The following MBD5 variants were observed in gnomAD, a reference collection of about 807,000 sequenced individuals.
MBD5 encodes methyl-CpG binding domain protein 5.
MBD5 carries 13 observed loss-of-function variants against 117.3 expected under a neutral mutation model. That is an observed-to-expected ratio of 0.11 (90% CI 0.07 to 0.18). The LOEUF (loss-of-function observed/expected upper bound fraction) is 0.18. Among genes scored for constraint, MBD5 ranks in the 10% least tolerant of loss-of-function variants. The pLI is 1.00. For synonymous variants in MBD5, 727 were observed against 766.4 expected (o/e 0.95, Z 0.85); for missense variants, 1,879 against 2,093.8 (o/e 0.90, Z 2.00).
At chr2:148,291,903 A>T (rs145700594) in intron 3 of MBD5, among the ~76,000 whole-genome samples, 77 of 152,338 alleles carry the variant, frequency 5.1e-4, no homozygotes, top group African/African-American at 1.7e-3. Flanking sequence ...GAACCTAGAA[A>T]CAAATCCATA....
chr2:148,328,307 G>T (rs2938706), intron 3 of MBD5, among the ~76,000 whole-genome samples: 1 of 152,008 alleles, frequency 6.6e-6, no homozygotes, highest in East Asian at 1.9e-4. Flanking sequence ...TGTCTGTGCC[G>T]TGCCCCCAGA....
At chr2:148,151,595 A>T (rs1697669949) in intron 1 of MBD5, among the ~76,000 whole-genome samples, 1 of 152,126 alleles carries the variant, frequency 6.6e-6, no homozygotes, top group Non-Finnish European at 1.5e-5. Context: ...TTGGTAAACT[A>T]TTGATTATTG....
In MBD5 at chr2:148,286,072, T is replaced by C. The variant is rs1030459099; in HGVS notation, c.-680+52677T>C. Among the ~76,000 whole-genome samples, 6 of 152,182 alleles carry C rather than the reference T, an allele frequency of 3.9e-5. 1 individual carries two copies. The highest frequency in any genetic ancestry group is 7.2e-5 in the African/African-American group (3 of 41,452). ...ATAGTATTTAGCAATAATATTTCAA[T>C]TGAAAGAATTTACAGTTATTGTGAC... On this transcript the variant is annotated intron_variant, in intron 3 of 13. Coordinates refer to ENST00000642680, the MANE Select transcript of MBD5 (RefSeq NM_001378120.1).
intron 1 of MBD5, among the ~76,000 whole-genome samples, chr2:148,110,633 G>T (rs1021428762): frequency 2.6e-5 from 4 of 151,324 alleles, no homozygotes; most frequent in African/African-American, 9.7e-5. Context: ...TTTGGGAATT[G>T]TTCCTGTTTG....
chr2:148,144,830 A>G (rs1485900841), intron 1 of MBD5, among the ~76,000 whole-genome samples: 1 of 152,148 alleles, frequency 6.6e-6, no homozygotes, highest in Non-Finnish European at 1.5e-5. Flanking sequence ...TACCAGTACC[A>G]TGCTGTTTTG....
intron 4 of MBD5, among the ~76,000 whole-genome samples, chr2:148,411,074 A>G (rs1013227692): frequency 6.6e-6 from 1 of 152,084 alleles, no homozygotes; most frequent in Non-Finnish European, 1.5e-5. Context: ...TGTGTACTCA[A>G]TGGTTAGCTC....
intron 4 of MBD5, among the ~76,000 whole-genome samples, chr2:148,406,885 T>C (rs1705095322): frequency 6.6e-6 from 1 of 152,200 alleles, no homozygotes; most frequent in South Asian, 2.1e-4. Flanking sequence ...AGAAGAGACT[T>C]CCCATTTATC....
chr2:148,042,433 G>A (rs1694387856), intron 1 of MBD5, among the ~76,000 whole-genome samples: 1 of 151,868 alleles, frequency 6.6e-6, no homozygotes, highest in South Asian at 2.1e-4. Flanking sequence ...TAAGCTATAG[G>A]GAACTGAAAA....
intron 3 of MBD5, among the ~76,000 whole-genome samples, chr2:148,334,111 T>C (rs541172407): frequency 6.6e-6 from 1 of 152,292 alleles, no homozygotes; most frequent in East Asian, 1.9e-4. Flanking sequence ...ACCAAGTTTG[T>C]TCATAGTCTC....
At chr2:148,258,038 T>C (rs1700631661) in intron 3 of MBD5, among the ~76,000 whole-genome samples, 1 of 152,170 alleles carries the variant, frequency 6.6e-6, no homozygotes, top group Non-Finnish European at 1.5e-5. Context: ...CCACGCACTA[T>C]CTGCACCTCT....
chr2:148,050,476 T>C (rs1297546391), intron 1 of MBD5, among the ~76,000 whole-genome samples: 1 of 152,180 alleles, frequency 6.6e-6, no homozygotes, highest in African/African-American at 2.4e-5. Context: ...TAGACCCTTA[T>C]CATATATGAT....
At position 148,380,716 on chromosome 2, in the gene MBD5, C is replaced by T. The variant is rs1048009348; in HGVS notation, c.-557+38380C>T. ...CCCCGAGTAGCCTAACTGGGAGGCACCCCCAGTAGGGGCGGACTGACACCT... is the reference window on the plus strand; with the variant it reads ...CCCCGAGTAGCCTAACTGGGAGGCATCCCCAGTAGGGGCGGACTGACACCT... On this transcript the variant is annotated intron_variant, in intron 4 of 13. Coordinates refer to ENST00000642680, the MANE Select transcript of MBD5 (RefSeq NM_001378120.1). 4.6e-5 allele frequency among the ~76,000 whole-genome samples: 7 copies of T among 152,230 alleles called. No homozygotes were observed. In the East Asian group the frequency reaches 1.2e-3, roughly 25 times the overall value.
intron 1 of MBD5, among the ~76,000 whole-genome samples, chr2:148,114,740 G>A (rs934831638): frequency 6.6e-6 from 1 of 152,008 alleles, no homozygotes; most frequent in Non-Finnish European, 1.5e-5. Context: ...AAACTGAAAG[G>A]AATACTTATG....
intron 4 of MBD5, among the ~76,000 whole-genome samples, chr2:148,385,756 T>C (rs1439440839): frequency 5.0e-5 from 7 of 140,520 alleles, no homozygotes; most frequent in Non-Finnish European, 1.1e-4. Context: ...GTGGCACATA[T>C]ACACCATGGA....
At chr2:148,452,639 T>C (rs1706763404) in intron 4 of MBD5, among the ~76,000 whole-genome samples, 1 of 152,200 alleles carries the variant, frequency 6.6e-6, no homozygotes, top group Non-Finnish European at 1.5e-5. Context: ...TGTTGAAATA[T>C]GTTTAATTTT....
intron 1 of MBD5, among the ~76,000 whole-genome samples, chr2:148,035,105 A>T (rs539391439): frequency 3.9e-4 from 59 of 152,104 alleles, no homozygotes; most frequent in African/African-American, 1.3e-3. Context: ...CATTCACTAA[A>T]TTTTTTCATT....
intron 1 of MBD5, among the ~76,000 whole-genome samples, chr2:148,090,811 T>G (rs559435489): frequency 1.3e-5 from 2 of 152,184 alleles, no homozygotes; most frequent in South Asian, 4.1e-4. Context: ...TTTCACCACT[T>G]CTATTCAACA....
intron 2 of MBD5, among the ~76,000 whole-genome samples, chr2:148,217,660 G>A (rs879415605): frequency 3.9e-5 from 6 of 152,114 alleles, no homozygotes; most frequent in Non-Finnish European, 4.4e-5. Flanking sequence ...AATGGCACTC[G>A]AATGTTTGCT....
intron 3 of MBD5, chr2:148,330,637 A>T (rs1702622791): frequency 6.6e-6 from 1 of 152,234 alleles, no homozygotes; most frequent in Admixed American, 6.5e-5. Flanking sequence ...TTTGTAGTTA[A>T]TCAGGCATGA....
Sources: allele counts gnomAD v4.1 joint callset (sites outside exome capture counted in the v4.1 genomes callset), GRCh38; gene constraint gnomAD v4.1.1; transcripts MANE v1.5; gene names NCBI Gene and HGNC (gene_info 2026-07-23, HGNC 2026-07-21).